ZNF487: variants seen among roughly 807,000 people sequenced by gnomAD.
ZNF487 encodes the protein KRAB domain only 1.
A neutral mutation model predicts 3.0 loss-of-function variants in ZNF487; 4 were observed. The observed-to-expected ratio is 1.35, with a 90% confidence interval of 0.66 to 3.08. ZNF487 has a LOEUF of 3.08. ZNF487 is among the 30% of genes most tolerant of loss of function. ZNF487 has a pLI of 0.01. For synonymous variants in ZNF487, 55 were observed against 34.6 expected (o/e 1.59, Z -2.06); for missense variants, 146 against 98.7 (o/e 1.48, Z -2.03).
intron 1 of ZNF487, among the ~76,000 whole-genome samples, chr10:43,465,185 G>A (rs1288002114): frequency 3.4e-5 from 5 of 148,464 alleles, no homozygotes; most frequent in Admixed American, 6.7e-5. Flanking sequence ...CTGGCCGGGC[G>A]GGGGGCTGAC....
At chr10:43,466,364 G>A (rs1840705738) in intron 1 of ZNF487, among the ~76,000 whole-genome samples, 1 of 151,524 alleles carries the variant, frequency 6.6e-6, no homozygotes, top group African/African-American at 2.4e-5. Flanking sequence ...TTTATAGCAT[G>A]GTTTACTGAA....
At chr10:43,474,377 C>G (rs1293236350) in intron 1 of ZNF487, among the ~76,000 whole-genome samples, 1 of 151,718 alleles carries the variant, frequency 6.6e-6, no homozygotes, top group African/African-American at 2.4e-5. Flanking sequence ...TTGCTTGAAC[C>G]TGGGAGGTGG....
intron 3 of ZNF487, among the ~76,000 whole-genome samples, chr10:43,480,759 G>A (rs1841323213): frequency 1.3e-5 from 2 of 151,876 alleles, no homozygotes; most frequent in East Asian, 1.9e-4. Flanking sequence ...AATGGGCACA[G>A]TTGAGAGTTC....
At chr10:43,521,046 G>A in the ZNF487 span, among the ~76,000 whole-genome samples, 1 of 152,140 alleles carries the variant, frequency 6.6e-6, no homozygotes, top group African/African-American at 2.4e-5. Context: ...GGTAAGAACA[G>A]GGTGATAGTT....
chr10:43,496,326 G>C, the ZNF487 span, among the ~76,000 whole-genome samples: 5 of 152,168 alleles, frequency 3.3e-5, no homozygotes, highest in Non-Finnish European at 7.3e-5. Flanking sequence ...CTCTCCTAGT[G>C]AAAAGCTTAA....
chr10:43,447,551 A>G (rs1054227944), intron 1 of ZNF487, among the ~76,000 whole-genome samples: 1 of 152,076 alleles, frequency 6.6e-6, no homozygotes, highest in Non-Finnish European at 1.5e-5. Context: ...CTGAATTATG[A>G]CATTTCTAAT....
At chr10:43,452,731 C>T (rs1224627127) in intron 1 of ZNF487, 1 of 152,006 alleles carries the variant, frequency 6.6e-6, no homozygotes, top group Non-Finnish European at 1.5e-5. Flanking sequence ...AGTCATAAGC[C>T]TTTACATATT....
chr10:43,457,671 C>A (rs1370643863), intron 1 of ZNF487, among the ~76,000 whole-genome samples: 3 of 149,790 alleles, frequency 2.0e-5, no homozygotes, highest in Non-Finnish European at 4.4e-5. Flanking sequence ...GCCTGGGCAA[C>A]AGAGGGAGAC....
the ZNF487 span, among the ~76,000 whole-genome samples, chr10:43,513,240 G>A: frequency 2.0e-5 from 3 of 152,252 alleles, no homozygotes; most frequent in Admixed American, 1.3e-4. Flanking sequence ...GACAGTAAAG[G>A]TATATTGCTG....
chr10:43,457,874 T>G (rs1158976241), intron 1 of ZNF487, among the ~76,000 whole-genome samples: 10 of 151,522 alleles, frequency 6.6e-5, no homozygotes, highest in Non-Finnish European at 1.3e-4. Flanking sequence ...TACAAAAAAT[T>G]AGCTGGGTGT....
At chr10:43,502,574 G>A in the ZNF487 span, among the ~76,000 whole-genome samples, 10 of 151,958 alleles carry the variant, frequency 6.6e-5, no homozygotes, top group African/African-American at 2.4e-4. Flanking sequence ...CGTTTGTGCT[G>A]GTGCTGTTCT....
chr10:43,520,461 G>T, the ZNF487 span, among the ~76,000 whole-genome samples: 1 of 152,174 alleles, frequency 6.6e-6, no homozygotes, highest in African/African-American at 2.4e-5. Context: ...AAATTGTGAT[G>T]CATGCAACTT....
chr10:43,511,647 C>T, the ZNF487 span, among the ~76,000 whole-genome samples: 2 of 152,198 alleles, frequency 1.3e-5, no homozygotes, highest in African/African-American at 4.8e-5. Flanking sequence ...AGGTCAGCCT[C>T]GGTGAGTGGA....
chr10:43,516,853 C>CT, the ZNF487 span, among the ~76,000 whole-genome samples: 2 of 152,168 alleles, frequency 1.3e-5, no homozygotes, highest in Non-Finnish European at 2.9e-5. Flanking sequence ...TCAATCCAAT[C>CT]GTTGACACCT....
chr10:43,473,276 T>TG (rs1247448735), intron 1 of ZNF487, among the ~76,000 whole-genome samples: 1 of 150,802 alleles, frequency 6.6e-6, no homozygotes, highest in Non-Finnish European at 1.5e-5. Flanking sequence ...TTAGTAGATA[T>TG]GGGGTTTCAC....
At chr10:43,446,902 A>G (rs538824992) in intron 1 of ZNF487, among the ~76,000 whole-genome samples, 1 of 152,164 alleles carries the variant, frequency 6.6e-6, no homozygotes, top group African/African-American at 2.4e-5. Context: ...AGCCTGGGCA[A>G]CATTGAGCAC....
At chr10:43,456,965 C>A (rs1037200728) in intron 1 of ZNF487, among the ~76,000 whole-genome samples, 1 of 152,220 alleles carries the variant, frequency 6.6e-6, no homozygotes, top group African/African-American at 2.4e-5. Context: ...GCTTCCCATA[C>A]TATGCCAATT....
At chr10:43,460,959 G>A (rs1840409906) in intron 1 of ZNF487, among the ~76,000 whole-genome samples, 1 of 151,946 alleles carries the variant, frequency 6.6e-6, no homozygotes, top group African/African-American at 2.4e-5. Flanking sequence ...CTCCCAAAGT[G>A]CTGGGATAAC....
At chr10:43,469,749 G>T (rs1840837673) in intron 1 of ZNF487, among the ~76,000 whole-genome samples, 1 of 152,002 alleles carries the variant, frequency 6.6e-6, no homozygotes, top group African/African-American at 2.4e-5. Context: ...AAGGGTTTGA[G>T]ACCAGCCCGG....
Sources: allele counts gnomAD v4.1 joint callset (sites outside exome capture counted in the v4.1 genomes callset), GRCh38; gene constraint gnomAD v4.1.1; transcripts MANE v1.5; gene names NCBI Gene and HGNC (gene_info 2026-07-23, HGNC 2026-07-21).